The following CPED1 variants were observed in gnomAD, a reference collection of about 807,000 sequenced individuals.
CPED1 encodes cadherin-like and PC-esterase domain-containing protein 1.
Under a neutral mutation model 128.2 loss-of-function variants are expected in CPED1, and 114 were observed. The observed-to-expected ratio is 0.89, with a 90% confidence interval of 0.76 to 1.04. The LOEUF is 1.04. Ranked by LOEUF, CPED1 falls within the 50% of genes least tolerant of loss-of-function variation. CPED1 has a pLI of 0.00. For missense variants in CPED1, 1,211 were observed against 1,207.1 expected (o/e 1.00, Z -0.05); for synonymous variants, 462 against 426.7 (o/e 1.08, Z -1.02).
chr7:121,013,189 T>C (rs1261130597), intron 2 of CPED1, among the ~76,000 whole-genome samples: 2 of 152,228 alleles, frequency 1.3e-5, no homozygotes, highest in Non-Finnish European at 2.9e-5. Flanking sequence ...CTCTAACTCC[T>C]GTGTCCAAAG....
At chr7:121,047,300 T>C (rs1352689430) in intron 4 of CPED1, among the ~76,000 whole-genome samples, 1 of 152,184 alleles carries the variant, frequency 6.6e-6, no homozygotes, top group Non-Finnish European at 1.5e-5. Flanking sequence ...AGTGGTAAAG[T>C]CTTTATTTTT....
intron 2 of CPED1, among the ~76,000 whole-genome samples, chr7:120,991,520 C>T (rs563495717): frequency 2.6e-5 from 4 of 152,118 alleles, no homozygotes; most frequent in Non-Finnish European, 4.4e-5. Context: ...TTATTTAATG[C>T]CTAAAATTTT....
rs938806258 is a variant in CPED1, at chr7:121,296,584, A to C, written c.*932A>C. 1.3e-5 allele frequency: 2 copies of C among 152,136 alleles called. No homozygotes were observed. The highest frequency in any genetic ancestry group is 4.8e-5 in the African/African-American group (2 of 41,458). The allele number at this position is 152,136 out of a possible 1,614,324, so 9.4% of individuals were successfully genotyped here. ...GTGCTTTTTCCCACCAAGCATTTGCATATGTCCACAAATAGTATTATGTTA... is the reference window on the plus strand; with the variant it reads ...GTGCTTTTTCCCACCAAGCATTTGCCTATGTCCACAAATAGTATTATGTTA... On this transcript the variant is annotated 3_prime_UTR_variant, in exon 23 of 23. Transcript: ENST00000310396.
intron 2 of CPED1, among the ~76,000 whole-genome samples, chr7:121,012,747 C>A (rs1211678799): frequency 6.6e-6 from 1 of 152,210 alleles, no homozygotes; most frequent in Non-Finnish European, 1.5e-5. Context: ...ATTCTACTGA[C>A]AAGCTCATTT....
intron 16 of CPED1, among the ~76,000 whole-genome samples, chr7:121,149,152 C>T (rs1341790551): frequency 2.0e-5 from 3 of 152,128 alleles, no homozygotes; most frequent in African/African-American, 4.8e-5. Flanking sequence ...ACCAGTGAGC[C>T]GTCCTTTACC....
At chr7:121,274,354 T>C (rs1314368845) in intron 22 of CPED1, among the ~76,000 whole-genome samples, 1 of 152,176 alleles carries the variant, frequency 6.6e-6, no homozygotes, top group Non-Finnish European at 1.5e-5. Context: ...GCTTCAAGCA[T>C]GTTCAGGTAA....
At chr7:121,219,847 A>G (rs1797839485) in intron 16 of CPED1, among the ~76,000 whole-genome samples, 1 of 152,090 alleles carries the variant, frequency 6.6e-6, no homozygotes, top group Admixed American at 6.6e-5. Context: ...AATAACACCC[A>G]GCATTGAAGC....
rs35159862 is a variant in CPED1, at chr7:121,044,648, C to CTTTTT, written c.434-2238_434-2237insTTTTT. Among the ~76,000 whole-genome samples, 67 of 69,500 alleles carry CTTTTT rather than the reference C, an allele frequency of 9.6e-4. 11 individuals are homozygous for CTTTTT. The highest frequency in any genetic ancestry group is 1.4e-3 in the Admixed American group (7 of 4,872). The allele number at this position is 69,500 out of a possible 152,430, so 45.6% of individuals were successfully genotyped here. A position where few individuals can be genotyped will look rare whatever the true frequency, so the allele number is the denominator to read the frequency against. ...GATTGCTGAGAGCAGTGACTTTCTG[C>CTTTTT]TCTTTTTTTTTTTTTTTTTTTGCTA... On this transcript the variant is annotated intron_variant, in intron 3 of 22. Transcript: ENST00000310396.
chr7:121,007,125 T>C (rs926139782), intron 2 of CPED1, among the ~76,000 whole-genome samples: 6 of 152,048 alleles, frequency 3.9e-5, no homozygotes, highest in African/African-American at 1.4e-4. Context: ...ACCCTATGCG[T>C]AGGGGTTAGC....
chr7:121,265,083 G>A (rs755807162), intron 18 of CPED1, among the ~76,000 whole-genome samples: 18 of 152,060 alleles, frequency 1.2e-4, no homozygotes, highest in Non-Finnish European at 2.2e-4. Context: ...CAGCATTCGT[G>A]TAGGGTCCGG....
chr7:121,288,430 G>A (rs1359886453), intron 22 of CPED1, among the ~76,000 whole-genome samples: 3 of 152,166 alleles, frequency 2.0e-5, no homozygotes, highest in Non-Finnish European at 4.4e-5. Context: ...GAAGCTACAA[G>A]TAACCCCATC....
At chr7:121,147,612 C>G (rs973599749) in intron 16 of CPED1, among the ~76,000 whole-genome samples, 1 of 151,990 alleles carries the variant, frequency 6.6e-6, no homozygotes, top group South Asian at 2.1e-4. Flanking sequence ...AATATTCACA[C>G]AAGTTGATTT....
chr7:121,106,572 G>A (rs762623595), intron 7 of CPED1, among the ~76,000 whole-genome samples: 2 of 152,036 alleles, frequency 1.3e-5, no homozygotes, highest in Non-Finnish European at 2.9e-5. Context: ...CCTTCTGGAT[G>A]CTTGAAAGAT....
At chr7:121,094,934 A>G (rs1794664484) in intron 5 of CPED1, among the ~76,000 whole-genome samples, 1 of 152,214 alleles carries the variant, frequency 6.6e-6, no homozygotes, top group South Asian at 2.1e-4. Flanking sequence ...TAGCCAATAA[A>G]TAAAAGTACA....
chr7:121,208,357 T>A (rs1797567963), intron 16 of CPED1, among the ~76,000 whole-genome samples: 1 of 152,020 alleles, frequency 6.6e-6, no homozygotes, highest in Non-Finnish European at 1.5e-5. Context: ...ACTATCTAAT[T>A]CACAGATATG....
In CPED1 at chr7:121,046,887, G is replaced by A; in HGVS notation, c.434G>A (p.Gly145Asp). The change falls in exon 4 of 23, where the codon GGT becomes GAT. Residue 145 changes from glycine (G) to aspartate (D), a missense_variant and splice_region_variant. Gly to Asp is a moderately conservative substitution (Grantham distance 94). Transcript: ENST00000310396. The part of the protein sequence containing the change: ...AGLGPGLLEQ[G>D]DLGSWDLLIC... The stretch of plus-strand genomic sequence containing the variant: ...GTTTTGAATATTCTTTTGCTTTTAG[G>A]TGATCTGGGCTCTTGGGATCTGCTC... 2.5e-6 allele frequency: 4 copies of A among 1,599,566 alleles called. No homozygotes were observed. The highest frequency in any genetic ancestry group is 3.4e-6 in the Non-Finnish European group (4 of 1,170,152).
chr7:121,149,616 G>A (rs1796106152), intron 16 of CPED1: 1 of 152,202 alleles, frequency 6.6e-6, no homozygotes, highest in African/African-American at 2.4e-5. Flanking sequence ...GGTCTTCCTA[G>A]CTTCTGACAG....
intron 16 of CPED1, among the ~76,000 whole-genome samples, chr7:121,150,925 C>T (rs1421336578): frequency 8.5e-5 from 13 of 152,068 alleles, no homozygotes; most frequent in Admixed American, 7.9e-4. Flanking sequence ...CCTGCCACCA[C>T]ACCCGGCTAA....
At chr7:121,073,743 T>C (rs1017002897) in intron 5 of CPED1, among the ~76,000 whole-genome samples, 1 of 151,988 alleles carries the variant, frequency 6.6e-6, no homozygotes, top group African/African-American at 2.4e-5. Context: ...ATTCCTCTGG[T>C]GTGGTGTCTA....
Sources: allele counts gnomAD v4.1 joint callset (sites outside exome capture counted in the v4.1 genomes callset), GRCh38; gene constraint gnomAD v4.1.1; transcripts MANE v1.5; gene names NCBI Gene and HGNC (gene_info 2026-07-23, HGNC 2026-07-21).